Variants in TRIM65 observed in about 807,000 individuals in gnomAD.
TRIM65 encodes the protein tripartite motif containing 65.
TRIM65 carries 46 observed loss-of-function variants against 36.1 expected under a neutral mutation model. The ratio of observed to expected loss-of-function variants is 1.27; its 90% CI spans 1.01 to 1.63. TRIM65 has a LOEUF of 1.63. TRIM65 is among the 40% of genes most tolerant of loss of function. The pLI is 0.00. For synonymous variants in TRIM65, 346 were observed against 313.6 expected (o/e 1.10, Z -1.09); for missense variants, 708 against 696.6 (o/e 1.02, Z -0.18).
chr17:75,892,372 AGCCTGTGCCAGC>A lies in TRIM65; in HGVS notation c.627_638del (p.Leu210_Ala213del). The stretch of plus-strand genomic sequence containing the variant: ...CCCGCAGCCGCTGCTCCTCGTCTCG[AGCCTGTGCCAGC>A]GCCTGCGTCTTGGCCACCTCGATGC... On this transcript the variant is annotated inframe_deletion, in exon 3 of 6. Coordinates refer to ENST00000269383, the MANE Select transcript of TRIM65 (RefSeq NM_173547.4). 1 of 1,613,728 alleles carries A rather than the reference AGCCTGTGCCAGC, an allele frequency of 6.2e-7. No homozygotes were observed. The highest frequency in any genetic ancestry group is 8.5e-7 in the Non-Finnish European group (1 of 1,179,946).
chr17:75,896,950 G>C lies in TRIM65; in HGVS notation c.-13C>G. 6.7e-7 allele frequency: 1 copy of C among 1,484,650 alleles called. No individual in the cohort carries two copies. The highest frequency in any genetic ancestry group is 8.9e-7 in the Non-Finnish European group (1 of 1,122,920). The allele number at this position is 1,484,650 out of a possible 1,614,324, so 92.0% of individuals were successfully genotyped here. A position where few individuals can be genotyped will look rare whatever the true frequency, so the allele number is the denominator to read the frequency against. On this transcript the variant is annotated 5_prime_UTR_variant, in exon 1 of 6. Coordinates refer to ENST00000269383, the MANE Select transcript of TRIM65 (RefSeq NM_173547.4). The stretch of plus-strand genomic sequence containing the variant: ...GCTGCGCGGCCATGGCCCGGCGGCG[G>C]CGAGAGCCAGGCGGGCCCCGGGCGT...
chr17:75,891,857 G>C lies in TRIM65; in HGVS notation c.941C>G (p.Pro314Arg). The C allele has an allele frequency of 6.2e-7, 1 of 1,612,380 alleles. No homozygotes were observed. The highest frequency in any genetic ancestry group is 8.5e-7 in the Non-Finnish European group (1 of 1,179,222). ...APVEAPGPLA[P>R]VPSTVCPLRR... Reference sequence around the variant, plus strand: ...CAGTGGACAAACTGTGCTTGGGACCGGTGCCAGGGGACCTGGGGCCTCTAG... The same window carrying C: ...CAGTGGACAAACTGTGCTTGGGACCCGTGCCAGGGGACCTGGGGCCTCTAG... The change falls in exon 5 of 6, where the codon CCG becomes CGG. Residue 314 changes from proline to arginine, a missense_variant. Physicochemically the swap from Pro to Arg is moderately radical, Grantham distance 103. Transcript: ENST00000269383.
chr17:75,892,814 G>C lies in TRIM65; in HGVS notation c.451C>G (p.Gln151Glu). 4 of 1,604,086 alleles carry C rather than the reference G, an allele frequency of 2.5e-6. 1 individual carries two copies. The South Asian group carries it at 4.4e-5, about 18-fold the overall frequency. The change falls in exon 2 of 6, where the codon CAG becomes GAG. Residue 151 changes from glutamine to glutamate, a missense_variant. Gln to Glu is a conservative substitution (Grantham distance 29). Coordinates refer to ENST00000269383, the MANE Select transcript of TRIM65 (RefSeq NM_173547.4). ...AGCTGGCCTTCGGCCTGGGTGGCCT[G>C]CTGCTGGGTAACCTCCAGGCTGGCT... ...LRASLEVTQQ[Q>E]ATQAEGQLLE...
chr17:75,884,455 G>A (rs1013068733), downstream of TRIM65, among the ~76,000 whole-genome samples: 11 of 151,012 alleles, frequency 7.3e-5, no homozygotes, highest in South Asian at 2.1e-4. Context: ...GCGAAACTCC[G>A]TCTCAAAAAA....
rs144843810 is a variant in TRIM65, at chr17:75,892,371, G to C, written c.640C>G (p.Arg214Gly). Residue 214 changes from arginine (R) to glycine (G), a missense_variant, in exon 3 of 6, where the codon CGA (arginine) becomes GGA (glycine). Transcript: ENST00000269383. ...VAKTQALAQA[R>G]DEEQRLRVHL... Reference sequence around the variant, plus strand: ...ACCCGCAGCCGCTGCTCCTCGTCTCGAGCCTGTGCCAGCGCCTGCGTCTTG... The same window carrying C: ...ACCCGCAGCCGCTGCTCCTCGTCTCCAGCCTGTGCCAGCGCCTGCGTCTTG... 1 of 1,613,654 alleles carries C rather than the reference G, an allele frequency of 6.2e-7. No homozygotes were observed. Among genetic ancestry groups the C allele is most frequent in the Non-Finnish European group, 8.5e-7 (1 of 1,179,938 alleles).
chr17:75,896,584 G>A lies in TRIM65; in HGVS notation c.354C>T (p.Thr118=). 7.4e-7 allele frequency: 1 copy of A among 1,360,216 alleles called. No individual in the cohort carries two copies. Among genetic ancestry groups the A allele is most frequent in the Non-Finnish European group, 9.5e-7 (1 of 1,058,060 alleles). The allele number at this position is 1,360,216 out of a possible 1,614,324, so 84.3% of individuals were successfully genotyped here. A position where few individuals can be genotyped will look rare whatever the true frequency, so the allele number is the denominator to read the frequency against. Residue 118 remains threonine, a synonymous_variant, in exon 1 of 6, where the codon ACC becomes ACT. Transcript: ENST00000269383. The part of the protein sequence containing the change: ...TEGRCVCSVC[T]VRECRLHERA... ...GCTCGTGGAGGCGACACTCGCGCAC[G>A]GTGCACACGCTGCACACACAGCGGC...
At chr17:75,882,173 G>A (rs1026568460) in intron 4 of TRIM65, among the ~76,000 whole-genome samples, 9 of 150,332 alleles carry the variant, frequency 6.0e-5, no homozygotes, top group African/African-American at 1.8e-4. Context: ...GGAAAGCACA[G>A]AGATGCGGTT....
At chr17:75,888,481 C>T (rs991093811), downstream of TRIM65, among the ~76,000 whole-genome samples, 12 of 152,166 alleles carry the variant, frequency 7.9e-5, no homozygotes, top group African/African-American at 2.9e-4. Context: ...AAACACCTCC[C>T]ACCTCAGAAG....
chr17:75,892,572 C>T (rs943502951), intron 2 of TRIM65, 72 bp from the exon 3 acceptor site: 2 of 1,438,900 alleles, frequency 1.4e-6, no homozygotes, highest in Admixed American at 1.9e-5. Context: ...AGGGCCAGGG[C>T]TGCCTGCTGG....
downstream of TRIM65, among the ~76,000 whole-genome samples, chr17:75,888,536 G>A (rs557560569): frequency 4.6e-5 from 7 of 152,296 alleles, no homozygotes; most frequent in African/African-American, 7.2e-5. Context: ...TTCAGAGCGC[G>A]GCTCAGCCCG....
Position 75,896,853 on chromosome 17 carries a change from G to C in TRIM65, c.85C>G (p.His29Asp), listed in dbSNP as rs371570975. 1.3e-6 allele frequency: 2 copies of C among 1,530,754 alleles called. No individual in the cohort carries two copies. The highest frequency in any genetic ancestry group is 2.8e-5 in the African/African-American group (2 of 71,160). The allele number at this position is 1,530,754 out of a possible 1,614,324, so 94.8% of individuals were successfully genotyped here. A position where few individuals can be genotyped will look rare whatever the true frequency, so the allele number is the denominator to read the frequency against. The change falls in exon 1 of 6, where the codon CAC becomes GAC. Residue 29 changes from histidine (H) to aspartate (D), a missense_variant. Physicochemically the swap from His to Asp is moderately conservative, Grantham distance 81 (BLOSUM62 -1). Coordinates refer to ENST00000269383, the MANE Select transcript of TRIM65 (RefSeq NM_173547.4). ...YQDPVTLPCGHNFCGACIRDW... is the reference protein window; with the variant it reads ...YQDPVTLPCGDNFCGACIRDW... ...CGGATGCAGGCCCCGCAGAAGTTGT[G>C]GCCGCAGGGCAGCGTCACTGGGTCC...
intron 1 of TRIM65, among the ~76,000 whole-genome samples, chr17:75,895,906 G>A (rs2065339299): frequency 6.6e-6 from 1 of 152,194 alleles, no homozygotes; most frequent in African/African-American, 2.4e-5. Flanking sequence ...GGAGACACAC[G>A]ACGGTTCTCT....
chr17:75,882,388 T>C (rs993671612), intron 4 of TRIM65, among the ~76,000 whole-genome samples: 5 of 150,480 alleles, frequency 3.3e-5, no homozygotes, highest in African/African-American at 1.0e-4. Context: ...TTGTATTTTT[T>C]AGTGGCGATG....
In TRIM65 at chr17:75,892,307, C is replaced by T. The variant is rs563690509; in HGVS notation, c.704G>A (p.Arg235Gln). 1.9e-6 allele frequency: 3 copies of T among 1,612,524 alleles called. No homozygotes were observed. The highest frequency in any genetic ancestry group is 1.3e-5 in the African/African-American group (1 of 75,052). Residue 235 changes from arginine (R) to glutamine (Q), a missense_variant, in exon 3 of 6, where the codon CGG becomes CAG. By Grantham distance (43) the Arg-to-Gln change is conservative. Transcript: ENST00000269383. Reference protein sequence around the residue: ...EAVARHGCRIRELLEQVDEQT... With the variant: ...EAVARHGCRIQELLEQVDEQT... Reference sequence around the variant, plus strand: ...CTCATCCACCTGCTCCAGGAGCTCCCGGATCCTGCAGCCATGGCGAGCCAC... The same window carrying T: ...CTCATCCACCTGCTCCAGGAGCTCCTGGATCCTGCAGCCATGGCGAGCCAC...
At position 75,883,773 on chromosome 17, in the gene TRIM65, C is replaced by T. The variant is rs181675279; in HGVS notation, c.350-3144G>A. Among the ~76,000 whole-genome samples, 865 of 152,094 alleles carry T rather than the reference C, an allele frequency of 5.7e-3. 6 individuals are homozygous for T. The highest frequency in any genetic ancestry group is 0.034 in the Middle Eastern group (10 of 294). ...TGATCTCCTGACCTTGTGATCCACC[C>T]GCCTCGGCCTCCCAAAGTGCTGGGA... is the stretch of plus-strand genomic sequence containing the variant. On this transcript the variant is annotated intron_variant, in intron 4 of 4. Coordinates refer to the TRIM65 transcript ENST00000591668.
At chr17:75,892,901 G>C (rs756788055) in intron 1 of TRIM65, 51 bp from the exon 2 acceptor site, 1 of 1,532,516 alleles carries the variant, frequency 6.5e-7, no homozygotes, top group Non-Finnish European at 8.9e-7. Flanking sequence ...AGGATTGGCT[G>C]TGATGTCCTT....
intron 1 of TRIM65, among the ~76,000 whole-genome samples, chr17:75,894,698 T>G (rs1300147885): frequency 1.3e-5 from 2 of 152,140 alleles, no homozygotes; most frequent in African/African-American, 4.8e-5. Flanking sequence ...CCTGGCTAAT[T>G]TTTTGTATTT....
chr17:75,891,324 G>T lies in TRIM65; in HGVS notation c.1009C>A (p.Pro337Thr). 1 of 1,613,328 alleles carries T rather than the reference G, an allele frequency of 6.2e-7. No homozygotes were observed. Among genetic ancestry groups the T allele is most frequent in the Non-Finnish European group, 8.5e-7 (1 of 1,179,996 alleles). ...WQNYRNLTFD[P>T]VSANRHFYLS... The stretch of plus-strand genomic sequence containing the variant: ...TAGAAGTGACGGTTGGCGCTGACTG[G>T]ATCAAAGGTCAGATTGCGATAATCT... Residue 337 changes from proline to threonine, a missense_variant, in exon 6 of 6, where the codon CCA (proline) becomes ACA (threonine). Transcript: ENST00000269383.
chr17:75,886,248 C>T (rs1265405923), downstream of TRIM65, among the ~76,000 whole-genome samples: 10 of 152,112 alleles, frequency 6.6e-5, no homozygotes, highest in Non-Finnish European at 1.3e-4. Context: ...CCTGGCTAGG[C>T]GCGGTGGCTC....
Sources: allele counts gnomAD v4.1 joint callset (sites outside exome capture counted in the v4.1 genomes callset), GRCh38; gene constraint gnomAD v4.1.1; transcripts MANE v1.5; gene names NCBI Gene and HGNC (gene_info 2026-07-23, HGNC 2026-07-21).